The following MAGI2 variants were observed in gnomAD, a reference collection of about 807,000 sequenced individuals.
The protein encoded by MAGI2 is membrane associated guanylate kinase, WW and PDZ domain containing 2.
In MAGI2, 35 loss-of-function variants were observed where a neutral mutation model predicts 133.3. That is an observed-to-expected ratio of 0.26 (90% CI 0.20 to 0.35). MAGI2 has a LOEUF of 0.35. Among genes scored for constraint, MAGI2 ranks in the 10% least tolerant of loss-of-function variants. The pLI, the probability that MAGI2 is intolerant of heterozygous loss-of-function variation, is 1.00. For synonymous variants in MAGI2, 729 were observed against 710.6 expected, an observed-to-expected ratio of 1.03 and a Z score of -0.41; for missense variants, 1,636 against 1,863.4, an observed-to-expected ratio of 0.88 and a Z score of 2.25.
At chr7:79,009,615 G>A (rs1409339689) in intron 1 of MAGI2, among the ~76,000 whole-genome samples, 1 of 152,102 alleles carries the variant, frequency 6.6e-6, no homozygotes, top group Non-Finnish European at 1.5e-5. Context: ...CTCTGATTTA[G>A]TTTTGGGCAG....
At chr7:79,195,701 G>T (rs184193085) in intron 1 of MAGI2, among the ~76,000 whole-genome samples, 1 of 151,716 alleles carries the variant, frequency 6.6e-6, no homozygotes, top group African/African-American at 2.4e-5. Context: ...TTAATTCTGC[G>T]CACTTCTCCT....
chr7:78,025,847 GCAAAGT>G, intron 21 of MAGI2, among the ~76,000 whole-genome samples: 1 of 152,280 alleles, frequency 6.6e-6, no homozygotes, highest in Non-Finnish European at 1.5e-5. Context: ...TTCCCAGGGC[GCAAAGT>G]CAAATTCTGA....
At chr7:78,902,357 C>CT (rs1797673479) in intron 2 of MAGI2, 2 of 152,118 alleles carry the variant, frequency 1.3e-5, no homozygotes, top group Admixed American at 6.5e-5. Context: ...TCATGACAGT[C>CT]TATCACTTGG....
At chr7:79,136,024 A>AGAAAGAAAGAAGGAAG (rs1554375928) in intron 1 of MAGI2, among the ~76,000 whole-genome samples, 1 of 126,920 alleles carries the variant, frequency 7.9e-6, no homozygotes, top group African/African-American at 3.8e-5. Context: ...AAAGAAAGAA[A>AGAAAGAAAGAAGGAAG]GAAGGAAAGA....
intron 3 of MAGI2, among the ~76,000 whole-genome samples, chr7:78,596,350 G>C (rs767074550): frequency 7.9e-5 from 12 of 152,124 alleles, no homozygotes; most frequent in Non-Finnish European, 1.8e-4. Context: ...TTTAGGTATT[G>C]ACTGTCAACC....
intron 1 of MAGI2, among the ~76,000 whole-genome samples, chr7:79,030,574 A>G (rs911975765): frequency 2.0e-5 from 3 of 152,202 alleles, no homozygotes; most frequent in Non-Finnish European, 4.4e-5. Flanking sequence ...GCAGATGCAA[A>G]CATGCTAAAT....
At chr7:78,511,090 G>A (rs561862911) in intron 4 of MAGI2, among the ~76,000 whole-genome samples, 7 of 152,240 alleles carry the variant, frequency 4.6e-5, no homozygotes, top group South Asian at 4.1e-4. Context: ...ATTGGATTGT[G>A]GTGGGAGGAC....
At position 78,964,108 on chromosome 7, in the gene MAGI2, T is replaced by C. The variant is rs1803099920; in HGVS notation, c.418+42982A>G. On this transcript the variant is annotated intron_variant, in intron 2 of 21. Transcript: ENST00000354212. ...TAGTTTAGCCCTCCTACTTTCCTTC[T>C]AATACATTTATAAAAGGGGCATCTA... Among the ~76,000 whole-genome samples, 4 of 152,148 alleles carry C rather than the reference T, an allele frequency of 2.6e-5. No individual in the cohort carries two copies. In the South Asian group the frequency reaches 8.3e-4, roughly 32 times the overall value.
chr7:78,510,604 A>G (rs1209361483), intron 4 of MAGI2, among the ~76,000 whole-genome samples: 1 of 152,220 alleles, frequency 6.6e-6, no homozygotes, highest in African/African-American at 2.4e-5. Context: ...TAAAGGTGGT[A>G]TTTCTTCTTT....
intron 2 of MAGI2, among the ~76,000 whole-genome samples, chr7:78,878,511 C>G (rs1184402466): frequency 6.6e-6 from 1 of 152,144 alleles, no homozygotes; most frequent in African/African-American, 2.4e-5. Flanking sequence ...TAGTGATTTG[C>G]TTAAGACAGT....
intron 10 of MAGI2, among the ~76,000 whole-genome samples, chr7:78,248,665 T>C (rs993764637): frequency 2.0e-5 from 3 of 152,238 alleles, no homozygotes; most frequent in South Asian, 4.1e-4. Flanking sequence ...GCTTTATAAA[T>C]GGTGCTGTGA....
intron 6 of MAGI2, among the ~76,000 whole-genome samples, chr7:78,408,683 A>T (rs1011557561): frequency 1.3e-5 from 2 of 152,052 alleles, no homozygotes; most frequent in Admixed American, 1.3e-4. Flanking sequence ...TTAAATTGCG[A>T]TGTGCTGAAA....
At chr7:79,025,232 TA>T (rs1460247867) in intron 1 of MAGI2, among the ~76,000 whole-genome samples, 14 of 152,158 alleles carry the variant, frequency 9.2e-5, no homozygotes, top group Admixed American at 1.3e-4. Context: ...GCCATTATCC[TA>T]AACAAACTAA....
chr7:78,056,164 A>G (rs1812544740), intron 21 of MAGI2, among the ~76,000 whole-genome samples: 1 of 152,144 alleles, frequency 6.6e-6, no homozygotes, highest in African/African-American at 2.4e-5. Flanking sequence ...AAGTGGAATC[A>G]TGCAGTATTC....
chr7:78,566,819 A>G (rs908991657), intron 3 of MAGI2, among the ~76,000 whole-genome samples: 38 of 152,166 alleles, frequency 2.5e-4, no homozygotes, highest in Non-Finnish European at 1.9e-4. Context: ...TAAAACTATT[A>G]TTTATAGCAT....
chr7:78,410,262 T>G lies in MAGI2; in HGVS notation c.1046-41049A>C, dbSNP rs532643802. Among the ~76,000 whole-genome samples the G allele has an allele frequency of 1.6e-4, 25 of 152,212 alleles. No individual in the cohort carries two copies. In the East Asian group the frequency reaches 4.6e-3, roughly 28 times the overall value. ...TTTACAGAATAAGCGGGATTAAAAC[T>G]CGACCCTGCTATAAATAATCTGCTG... On this transcript the variant is annotated intron_variant, in intron 6 of 21. Transcript: ENST00000354212.
chr7:79,037,845 A>G (rs1562817587), intron 1 of MAGI2, among the ~76,000 whole-genome samples: 3 of 151,888 alleles, frequency 2.0e-5, no homozygotes, highest in African/African-American at 7.3e-5. Context: ...AAACTGGAAA[A>G]TTTTTCTTGT....
chr7:79,334,071 C>T (rs1036974109), intron 1 of MAGI2, among the ~76,000 whole-genome samples: 1 of 152,140 alleles, frequency 6.6e-6, no homozygotes, highest in African/African-American at 2.4e-5. Context: ...CGTGTCATCT[C>T]TATACACATC....
At chr7:78,863,304 T>A (rs541630672) in intron 2 of MAGI2, among the ~76,000 whole-genome samples, 1 of 152,198 alleles carries the variant, frequency 6.6e-6, no homozygotes, top group Non-Finnish European at 1.5e-5. Flanking sequence ...TAGAGGAGTT[T>A]ATTTAGCTTA....
Sources: gnomAD v4.1 joint callset for allele counts (sites outside exome capture counted in the v4.1 genomes callset) on GRCh38, gnomAD v4.1.1 for gene constraint, MANE v1.5 for transcripts, NCBI Gene and HGNC (gene_info 2026-07-23, HGNC 2026-07-21) for gene names.